Variants in DCC observed in about 807,000 individuals in gnomAD.
The protein encoded by DCC is DCC netrin 1 receptor.
Under a neutral mutation model 172.5 loss-of-function variants are expected in DCC, and 58 were observed. The observed-to-expected ratio is 0.34, with a 90% CI of 0.27 to 0.42. The LOEUF (loss-of-function observed/expected upper bound fraction) is 0.42. Ranked by LOEUF, DCC falls within the 10% of genes least tolerant of loss-of-function variation. DCC has a pLI of 1.00. For synonymous variants in DCC, 709 were observed against 644.5 expected, an observed-to-expected ratio of 1.10 and a Z score of -1.52; for missense variants, 1,740 against 1,791.0, an observed-to-expected ratio of 0.97 and a Z score of 0.51.
At chr18:52,987,771 A>T (rs1299614143) in intron 5 of DCC, among the ~76,000 whole-genome samples, 1 of 152,118 alleles carries the variant, frequency 6.6e-6, no homozygotes. Flanking sequence ...CTCCTCTATT[A>T]TTCTCAGTGT....
intron 1 of DCC, among the ~76,000 whole-genome samples, chr18:52,582,237 T>C (rs1463169245): frequency 1.3e-5 from 2 of 152,218 alleles, no homozygotes; most frequent in Admixed American, 6.5e-5. Flanking sequence ...AGCTAATTAA[T>C]GAAGGACATT....
intron 2 of DCC, among the ~76,000 whole-genome samples, chr18:52,901,395 A>G (rs753017639): frequency 4.6e-5 from 7 of 152,048 alleles, no homozygotes; most frequent in Non-Finnish European, 7.4e-5. Flanking sequence ...GTGCCAACAC[A>G]CTCCATCCTG....
At chr18:53,088,435 A>T (rs113034611) in intron 7 of DCC, among the ~76,000 whole-genome samples, 17,623 of 152,040 alleles carry the variant, frequency 0.12, 1,262 homozygotes, top group East Asian at 0.25. Context: ...AATGCTTGTG[A>T]TTTTTTCACA....
chr18:52,595,700 C>A (rs1409836643), intron 1 of DCC, among the ~76,000 whole-genome samples: 3 of 152,170 alleles, frequency 2.0e-5, no homozygotes, highest in Non-Finnish European at 4.4e-5. Context: ...GCATTTTAAC[C>A]AGCTACAATC....
intron 2 of DCC, among the ~76,000 whole-genome samples, chr18:52,796,102 C>T (rs1219831684): frequency 1.4e-5 from 2 of 144,918 alleles, no homozygotes; most frequent in Non-Finnish European, 3.0e-5. Flanking sequence ...CATGGAATAT[C>T]TTTTTTTATC....
intron 15 of DCC, among the ~76,000 whole-genome samples, chr18:53,352,134 T>G (rs1008895369): frequency 5.9e-5 from 9 of 152,022 alleles, no homozygotes; most frequent in African/African-American, 2.2e-4. Flanking sequence ...AACAAGGTAT[T>G]TTAGCAAAAT....
At chr18:53,207,882 A>G in intron 11 of DCC, 65 bp downstream of exon 11, 4 of 1,385,296 alleles carry the variant, frequency 2.9e-6, no homozygotes, top group Non-Finnish European at 4.1e-6. Flanking sequence ...ATGACATGAT[A>G]TTGCACATAT....
At chr18:52,769,423 TATTC>T (rs138878953) in intron 2 of DCC, among the ~76,000 whole-genome samples, 15,048 of 152,200 alleles carry the variant, frequency 0.099, 938 homozygotes, top group Middle Eastern at 0.21. Flanking sequence ...AAAATTGAAT[TATTC>T]ATTTTTTTCT....
At chr18:53,256,943 T>G (rs991516533) in intron 12 of DCC, among the ~76,000 whole-genome samples, 23 of 152,266 alleles carry the variant, frequency 1.5e-4, no homozygotes, top group East Asian at 5.8e-4. Flanking sequence ...TTGTAAGTTG[T>G]ATTCCTAGGT....
intron 5 of DCC, among the ~76,000 whole-genome samples, chr18:52,939,439 A>G (rs775206710): frequency 6.6e-6 from 1 of 152,118 alleles, no homozygotes; most frequent in Non-Finnish European, 1.5e-5. Flanking sequence ...TTGTCTCCCC[A>G]GTGAAATATA....
At chr18:53,528,981 C>A (rs1234872152) in intron 28 of DCC, among the ~76,000 whole-genome samples, 1 of 144,374 alleles carries the variant, frequency 6.9e-6, no homozygotes, top group Non-Finnish European at 1.5e-5. Context: ...AATGAGTTGC[C>A]TAGTAATCCC....
chr18:52,422,489 G>T (rs1342804902), intron 1 of DCC, among the ~76,000 whole-genome samples: 2 of 152,168 alleles, frequency 1.3e-5, no homozygotes, highest in African/African-American at 2.4e-5. Context: ...CACTTCATCT[G>T]CAAGATCATA....
intron 7 of DCC, among the ~76,000 whole-genome samples, chr18:53,145,046 A>G (rs2043885281): frequency 7.2e-6 from 1 of 138,082 alleles, no homozygotes; most frequent in African/African-American, 2.7e-5. Context: ...CTTAATCCCC[A>G]TTGTGGTGGT....
At chr18:53,520,231 A>G (rs2046384937) in intron 27 of DCC, among the ~76,000 whole-genome samples, 1 of 152,142 alleles carries the variant, frequency 6.6e-6, no homozygotes. Context: ...ACCCGACAGT[A>G]GCAGTGAGTC....
chr18:53,224,553 A>C (rs2055995353), intron 12 of DCC, among the ~76,000 whole-genome samples: 1 of 152,148 alleles, frequency 6.6e-6, no homozygotes, highest in Non-Finnish European at 1.5e-5. Context: ...GGAAGCAGGA[A>C]GACCAGTTCA....
At chr18:52,487,425 T>C (rs1251767893) in intron 1 of DCC, among the ~76,000 whole-genome samples, 3 of 152,114 alleles carry the variant, frequency 2.0e-5, no homozygotes, top group Admixed American at 6.6e-5. Context: ...GAAAATACTA[T>C]CTGCTCATTT....
chr18:52,477,360 G>A (rs1345590839), intron 1 of DCC, among the ~76,000 whole-genome samples: 1 of 152,124 alleles, frequency 6.6e-6, no homozygotes, highest in African/African-American at 2.4e-5. Context: ...GTATATGAGT[G>A]GAGGGGAAGG....
intron 7 of DCC, among the ~76,000 whole-genome samples, chr18:53,123,142 G>C (rs919509198): frequency 5.3e-5 from 8 of 152,018 alleles, no homozygotes; most frequent in Non-Finnish European, 1.2e-4. Context: ...GTTACTATAA[G>C]TGCTACAAAA....
intron 2 of DCC, among the ~76,000 whole-genome samples, chr18:52,895,929 C>T (rs199959238): frequency 6.6e-5 from 10 of 152,138 alleles, no homozygotes; most frequent in African/African-American, 1.2e-4. Context: ...GAATTAAAGG[C>T]GCACACAACC....
Sources: gnomAD v4.1 joint callset for allele counts (sites outside exome capture counted in the v4.1 genomes callset) on GRCh38, gnomAD v4.1.1 for gene constraint, MANE v1.5 for transcripts, NCBI Gene and HGNC (gene_info 2026-07-23, HGNC 2026-07-21) for gene names.